The following AFF2 variants were observed in gnomAD, a reference collection of about 807,000 sequenced individuals.
AFF2 encodes ALF transcription elongation factor 2, also known as AF4/FMR2 family member 2.
Under a neutral mutation model 76.9 loss-of-function variants are expected in AFF2, and 14 were observed. That is an observed-to-expected ratio of 0.18 (90% CI 0.12 to 0.28). The LOEUF (loss-of-function observed/expected upper bound fraction) is 0.28. Ranked by LOEUF, AFF2 falls within the 10% of genes least tolerant of loss-of-function variation. The pLI is 1.00. For synonymous variants in AFF2, 398 were observed against 366.7 expected, an observed-to-expected ratio of 1.09 and a Z score of -0.98; for missense variants, 868 against 1,001.1, an observed-to-expected ratio of 0.87 and a Z score of 1.79.
intron 3 of AFF2, among the ~76,000 whole-genome samples, chrX:148,735,692 T>C (rs185841867): frequency 1.8e-3 from 197 of 110,796 alleles, no homozygotes; most frequent in Non-Finnish European, 2.8e-3. Flanking sequence ...TAGAGGTGAT[T>C]TGTGAGATTT....
intron 9 of AFF2, among the ~76,000 whole-genome samples, chrX:148,912,368 G>A (rs1373835528): frequency 9.0e-6 from 1 of 111,391 alleles, no homozygotes; most frequent in Non-Finnish European, 1.9e-5. Flanking sequence ...CCACTTATGA[G>A]TGAGAACATA....
At chrX:148,970,802 T>C (rs1557289423) in intron 15 of AFF2, among the ~76,000 whole-genome samples, 2 of 111,958 alleles carry the variant, frequency 1.8e-5, no homozygotes, top group African/African-American at 6.5e-5. Flanking sequence ...TAGCATCAAT[T>C]TGTTAATCTT....
intron 3 of AFF2, among the ~76,000 whole-genome samples, chrX:148,743,443 T>C (rs1557265858): frequency 8.9e-6 from 1 of 112,286 alleles, no homozygotes; most frequent in African/African-American, 3.2e-5. Flanking sequence ...CATACACAAA[T>C]AATTTTTCTT....
chrX:148,918,722 C>T (rs1429394059), intron 9 of AFF2, among the ~76,000 whole-genome samples: 2 of 111,702 alleles, frequency 1.8e-5, no homozygotes, highest in Non-Finnish European at 3.8e-5. Context: ...CATCTGCGAA[C>T]TCTGGTGACC....
chrX:148,767,799 A>T (rs868942958), intron 3 of AFF2, among the ~76,000 whole-genome samples: 70 of 112,337 alleles, frequency 6.2e-4, no homozygotes, highest in African/African-American at 2.2e-3. Context: ...ATGCTTTTAA[A>T]TTAGCAATAT....
chrX:148,562,376 C>T (rs1205797891), intron 1 of AFF2, among the ~76,000 whole-genome samples: 1 of 111,716 alleles, frequency 9.0e-6, no homozygotes, highest in African/African-American at 3.3e-5. Flanking sequence ...ATCACAGACA[C>T]TGCTGCTCAG....
Position 148,526,669 on chromosome X carries a change from C to G in AFF2, c.47+25525C>G, listed in dbSNP as rs185619915. Among the ~76,000 whole-genome samples, 528 of 111,101 alleles carry G rather than the reference C, an allele frequency of 4.8e-3. 2 individuals carry two copies. Among genetic ancestry groups the G allele is most frequent in the Non-Finnish European group, 6.8e-3 (358 of 52,897 alleles). The stretch of plus-strand genomic sequence containing the variant: ...TGCCATTATTTCTAGGCCATCTCAG[C>G]AAATAGAGCTAGGAAATATATACAC... On this transcript the variant is annotated intron_variant, in intron 1 of 20. Coordinates refer to ENST00000370460, the MANE Select transcript of AFF2 (RefSeq NM_002025.4).
chrX:148,528,929 G>A (rs1256678920), intron 1 of AFF2, among the ~76,000 whole-genome samples: 1 of 110,391 alleles, frequency 9.1e-6, no homozygotes, highest in Non-Finnish European at 1.9e-5. Flanking sequence ...TTTCTTTCAG[G>A]TCATTAAAGT....
chrX:148,979,980 G>A (rs1208894301), intron 18 of AFF2, among the ~76,000 whole-genome samples: 3 of 111,949 alleles, frequency 2.7e-5, no homozygotes, highest in African/African-American at 9.7e-5. Flanking sequence ...TGCCATGAGT[G>A]TGAGTTGTGG....
intron 3 of AFF2, among the ~76,000 whole-genome samples, chrX:148,771,131 G>A (rs2069582029): frequency 8.9e-6 from 1 of 111,949 alleles, no homozygotes; most frequent in Admixed American, 9.5e-5. Context: ...CTCATGAGAT[G>A]GAGAGAACAC....
intron 4 of AFF2, among the ~76,000 whole-genome samples, chrX:148,828,848 G>A (rs782079434): frequency 8.9e-6 from 1 of 112,307 alleles, no homozygotes; most frequent in South Asian, 3.8e-4. Context: ...ATCTGGCAAT[G>A]GCAAGAAGAT....
At chrX:148,827,655 C>A (rs1486121233) in intron 4 of AFF2, among the ~76,000 whole-genome samples, 4 of 111,954 alleles carry the variant, frequency 3.6e-5, no homozygotes, top group Non-Finnish European at 7.5e-5. Flanking sequence ...TAAAAAAAAT[C>A]AACTTTGATG....
chrX:148,768,057 C>T (rs1419520198), intron 3 of AFF2, among the ~76,000 whole-genome samples: 1 of 107,556 alleles, frequency 9.3e-6, no homozygotes, highest in Non-Finnish European at 1.9e-5. Flanking sequence ...GCTGTCACTT[C>T]TGCTTGGAAT....
rs1474895973 is a variant in AFF2, at chrX:149,000,576, C to T, written c.*9244C>T. The T allele has an allele frequency of 2.7e-5, 3 of 112,547 alleles. No individual in the cohort carries two copies. The highest frequency in any genetic ancestry group is 9.7e-5 in the African/African-American group (3 of 30,843). The allele number at this position is 112,547 out of a possible 1,213,427, so 9.3% of individuals were successfully genotyped here. A position where few individuals can be genotyped will look rare whatever the true frequency, so the allele number is the denominator to read the frequency against. On this transcript the variant is annotated 3_prime_UTR_variant, in exon 21 of 21. Transcript: ENST00000370460. ...AAAAATGATATTGGCTGAGCTGGTG[C>T]GTTGGTTTCTCTCATAGAGGCATTA... is the stretch of plus-strand genomic sequence containing the variant.
intron 3 of AFF2, among the ~76,000 whole-genome samples, chrX:148,692,859 A>G (rs1355902207): frequency 1.8e-5 from 2 of 111,244 alleles, no homozygotes; most frequent in African/African-American, 3.3e-5. Context: ...GTGAAGGAGT[A>G]AAGAAAATGA....
At chrX:148,878,663 T>G (rs1293034106) in intron 7 of AFF2, among the ~76,000 whole-genome samples, 3 of 111,845 alleles carry the variant, frequency 2.7e-5, no homozygotes, top group African/African-American at 9.8e-5. Flanking sequence ...TACTTGAAAT[T>G]TTTTTTAAAG....
In AFF2 at chrX:148,662,444, G is replaced by A. The variant is rs782498129; in HGVS notation, c.717G>A (p.Pro239=). The change falls in exon 3 of 21, where the codon CCG becomes CCA. Residue 239 remains proline (P), a synonymous_variant. Coordinates refer to ENST00000370460, the MANE Select transcript of AFF2 (RefSeq NM_002025.4). Reference sequence around the variant, plus strand: ...AAGAAATCTTTCAATCCAATTCACCGGAAGAATCTGAATTCGCCGTGCAAG... The same window carrying A: ...AAGAAATCTTTCAATCCAATTCACCAGAAGAATCTGAATTCGCCGTGCAAG... ...AFKEIFQSNS[P]EESEFAVQAP... 2.5e-5 allele frequency: 30 copies of A among 1,211,612 alleles called. No homozygotes were observed. The highest frequency in any genetic ancestry group is 5.3e-5 in the South Asian group (3 of 56,985).
chrX:148,580,785 G>T (rs2053347026), intron 1 of AFF2, among the ~76,000 whole-genome samples: 1 of 107,619 alleles, frequency 9.3e-6, no homozygotes, highest in African/African-American at 3.4e-5. Context: ...AATAAGCTTA[G>T]GTAAGTGGGT....
intron 1 of AFF2, among the ~76,000 whole-genome samples, chrX:148,528,235 A>C (rs2052687059): frequency 8.9e-6 from 1 of 112,094 alleles, no homozygotes; most frequent in African/African-American, 3.2e-5. Flanking sequence ...TTAATTTGGT[A>C]TTTGATTTGC....
Sources: gnomAD v4.1 joint callset for allele counts (sites outside exome capture counted in the v4.1 genomes callset) on GRCh38, gnomAD v4.1.1 for gene constraint, MANE v1.5 for transcripts, NCBI Gene and HGNC (gene_info 2026-07-23, HGNC 2026-07-21) for gene names.